MCU: variants seen among roughly 807,000 people sequenced by gnomAD.
The protein encoded by MCU is calcium uniporter protein, mitochondrial.
Under a neutral mutation model 45.2 loss-of-function variants are expected in MCU, and 12 were observed. The observed-to-expected ratio is 0.27, with a 90% CI of 0.17 to 0.43. MCU has a LOEUF of 0.43. Among genes scored for constraint, MCU ranks in the 20% least tolerant of loss-of-function variants. The probability of loss-of-function intolerance (pLI) is 1.00; values close to 1 mark genes in which losing one functional copy is unlikely to be tolerated. For missense variants in MCU, 324 were observed against 436.7 expected (o/e 0.74, Z 2.30); for synonymous variants, 160 against 165.1 (o/e 0.97, Z 0.24).
Position 72,884,227 on chromosome 10 carries a change from A to G in MCU, c.862-39A>G, listed in dbSNP as rs370040650. 4.2e-6 allele frequency: 5 copies of G among 1,189,632 alleles called. No individual in the cohort carries two copies. The African/African-American group carries it at 6.0e-5, about 14-fold the overall frequency. 73.7% of individuals were successfully genotyped at this position (1,189,632 alleles called of 1,614,324 possible). On this transcript the variant is annotated intron_variant, in intron 6 of 7. Coordinates refer to ENST00000373053, the MANE Select transcript of MCU (RefSeq NM_138357.3). ...TTAGTAAATATTTTGTGAAGATAGTATGCTAAGGACTGATAATTCCGTTTC... is the reference window on the plus strand; with the variant it reads ...TTAGTAAATATTTTGTGAAGATAGTGTGCTAAGGACTGATAATTCCGTTTC...
intron 2 of MCU, among the ~76,000 whole-genome samples, chr10:72,851,553 GC>G (rs1394584989): frequency 2.6e-5 from 4 of 152,154 alleles, no homozygotes; most frequent in African/African-American, 9.7e-5. Context: ...GGTTGTGGAT[GC>G]AGTCATAGGG....
intron 1 of MCU, among the ~76,000 whole-genome samples, chr10:72,787,106 A>G (rs891687380): frequency 9.2e-5 from 14 of 152,346 alleles, no homozygotes; most frequent in Admixed American, 8.5e-4. Context: ...TAAACAAAAC[A>G]TGATTTGAAA....
At chr10:72,816,540 G>A (rs534361490) in intron 1 of MCU, among the ~76,000 whole-genome samples, 100 of 152,300 alleles carry the variant, frequency 6.6e-4, no homozygotes, top group African/African-American at 2.3e-3. Context: ...GCACTCAGGA[G>A]GCCGAAGCAG....
intron 1 of MCU, among the ~76,000 whole-genome samples, chr10:72,737,768 G>A (rs759898671): frequency 2.0e-5 from 3 of 151,884 alleles, no homozygotes; most frequent in Admixed American, 1.3e-4. Flanking sequence ...GATCCTCACC[G>A]CCCCAACTCC....
At chr10:72,824,178 G>A (rs1844757241) in intron 1 of MCU, among the ~76,000 whole-genome samples, 2 of 151,006 alleles carry the variant, frequency 1.3e-5, no homozygotes, top group African/African-American at 4.9e-5. Flanking sequence ...TTACTAGTCA[G>A]CTGTTACATG....
chr10:72,795,919 A>G (rs1285415030), intron 1 of MCU, among the ~76,000 whole-genome samples: 1 of 151,850 alleles, frequency 6.6e-6, no homozygotes, highest in Non-Finnish European at 1.5e-5. Context: ...AATCGCTTGA[A>G]CCTGGGAGGC....
At chr10:72,766,340 A>G (rs930952473) in intron 1 of MCU, among the ~76,000 whole-genome samples, 6 of 152,198 alleles carry the variant, frequency 3.9e-5, no homozygotes, top group Non-Finnish European at 7.3e-5. Flanking sequence ...AATTAGCATT[A>G]GCAATTTATG....
At chr10:72,725,192 C>T (rs1589433475) in intron 1 of MCU, among the ~76,000 whole-genome samples, 1 of 151,174 alleles carries the variant, frequency 6.6e-6, no homozygotes, top group African/African-American at 2.4e-5. Context: ...GTGGTGTGAT[C>T]TCGGCTCACT....
chr10:72,795,760 G>A (rs962097431), intron 1 of MCU, among the ~76,000 whole-genome samples: 3 of 152,170 alleles, frequency 2.0e-5, no homozygotes, highest in Non-Finnish European at 2.9e-5. Context: ...AGCACTTTGG[G>A]AGGCTGAGGC....
intron 6 of MCU, among the ~76,000 whole-genome samples, chr10:72,876,131 T>A (rs1564581860): frequency 6.6e-6 from 1 of 152,200 alleles, no homozygotes; most frequent in Non-Finnish European, 1.5e-5. Flanking sequence ...CCAATAACCG[T>A]CATTTATATT....
chr10:72,809,081 G>A (rs1313568797), intron 1 of MCU, among the ~76,000 whole-genome samples: 4 of 152,218 alleles, frequency 2.6e-5, no homozygotes, highest in Non-Finnish European at 5.9e-5. Context: ...CTGTTGGAGA[G>A]TGACTGGTGC....
At chr10:72,729,704 G>A (rs555087089) in intron 1 of MCU, among the ~76,000 whole-genome samples, 2 of 152,152 alleles carry the variant, frequency 1.3e-5, no homozygotes, top group South Asian at 2.1e-4. Flanking sequence ...TGCACTAACC[G>A]GACTGTAGGT....
At chr10:72,821,953 A>T (rs534900483) in intron 1 of MCU, among the ~76,000 whole-genome samples, 1 of 152,138 alleles carries the variant, frequency 6.6e-6, no homozygotes, top group Non-Finnish European at 1.5e-5. Context: ...TTCACTGGAA[A>T]ATCTTCTGGT....
chr10:72,817,413 A>G (rs1844644232), intron 1 of MCU, among the ~76,000 whole-genome samples: 2 of 152,164 alleles, frequency 1.3e-5, no homozygotes. Context: ...CTAGTTTGCT[A>G]TACTGTATAA....
intron 4 of MCU, among the ~76,000 whole-genome samples, chr10:72,863,802 G>A (rs1251791431): frequency 6.6e-6 from 1 of 151,990 alleles, no homozygotes. Flanking sequence ...TTTTAGTAGA[G>A]ATGGGGTTTC....
chr10:72,714,167 A>G (rs1406643180), intron 1 of MCU, among the ~76,000 whole-genome samples: 1 of 151,490 alleles, frequency 6.6e-6, no homozygotes, highest in Non-Finnish European at 1.5e-5. Context: ...GGGTTTCACC[A>G]TGTTGGCCAG....
At chr10:72,749,415 A>G (rs1843462608) in intron 1 of MCU, among the ~76,000 whole-genome samples, 1 of 152,216 alleles carries the variant, frequency 6.6e-6, no homozygotes, top group African/African-American at 2.4e-5. Context: ...GTGTGAAGCT[A>G]TTTATATGCA....
chr10:72,749,839 T>C (rs1436090665), intron 1 of MCU, among the ~76,000 whole-genome samples: 2 of 152,078 alleles, frequency 1.3e-5, no homozygotes, highest in African/African-American at 4.8e-5. Context: ...TGATCTCAGC[T>C]CACTGCAGCC....
chr10:72,834,301 C>A, intron 1 of MCU, 58 bp from the exon 2 acceptor site: 3 of 1,279,060 alleles, frequency 2.3e-6, no homozygotes, highest in Non-Finnish European at 3.4e-6. Context: ...TATACACACA[C>A]ATAAGTATAT....
Sources: gnomAD v4.1 joint callset for allele counts (sites outside exome capture counted in the v4.1 genomes callset) on GRCh38, gnomAD v4.1.1 for gene constraint, MANE v1.5 for transcripts, NCBI Gene and HGNC (gene_info 2026-07-23, HGNC 2026-07-21) for gene names.